CECR2: variants seen among roughly 807,000 people sequenced by gnomAD.
The protein encoded by CECR2 is chromatin remodeling regulator CECR2.
CECR2 carries 30 observed loss-of-function variants against 154.5 expected under a neutral mutation model. The observed-to-expected ratio is 0.19, with a 90% CI of 0.15 to 0.26. The LOEUF (loss-of-function observed/expected upper bound fraction) is 0.26, where lower values mean the gene tolerates loss of function less well. Ranked by LOEUF, CECR2 falls within the 10% of genes least tolerant of loss-of-function variation. The probability of loss-of-function intolerance (pLI) is 1.00; values close to 1 mark genes in which losing one functional copy is unlikely to be tolerated. For missense variants in CECR2, 1,743 were observed against 1,829.3 expected (o/e 0.95, Z 0.86); for synonymous variants, 725 against 683.7 (o/e 1.06, Z -0.94).
Position 17,539,079 on chromosome 22 carries a change from C to T in CECR2, c.1455C>T (p.Thr485=). Residue 485 remains threonine (T), a synonymous_variant, in exon 13 of 19, where the codon ACC becomes ACT. Coordinates refer to ENST00000262608, the MANE Select transcript of CECR2 (RefSeq NM_001290047.2). ...TKEEFVNDMK[T]MFRNCRKYNG... The stretch of plus-strand genomic sequence containing the variant: ...AGGAATTTGTAAATGACATGAAGAC[C>T]ATGTTCAGGAATTGTCGAAAGTATA... The T allele has an allele frequency of 6.2e-7, 1 of 1,613,752 alleles. No homozygotes were observed. The highest frequency in any genetic ancestry group is 8.5e-7 in the Non-Finnish European group (1 of 1,179,826).
At chr22:17,469,735 C>T (rs1168884494) in intron 1 of CECR2, among the ~76,000 whole-genome samples, 4 of 152,088 alleles carry the variant, frequency 2.6e-5, no homozygotes, top group Non-Finnish European at 5.9e-5. Context: ...TTCACACGTT[C>T]ACCTTAGCAT....
intron 1 of CECR2, among the ~76,000 whole-genome samples, chr22:17,450,172 CT>C (rs907258331): frequency 2.8e-4 from 43 of 152,228 alleles, no homozygotes; most frequent in African/African-American, 9.9e-4. Flanking sequence ...TCTGAACAGT[CT>C]TAAGTTTTGA....
chr22:17,535,737 A>G (rs1250876176), intron 9 of CECR2, among the ~76,000 whole-genome samples: 1 of 152,120 alleles, frequency 6.6e-6, no homozygotes, highest in African/African-American at 2.4e-5. Flanking sequence ...GTCGAAAAAA[A>G]AAATAATTTT....
rs114653696 is a variant in CECR2 at position 17,431,815 on chromosome 22, C to G, written c.127-45773C>G. 7.0e-3 allele frequency among the ~76,000 whole-genome samples: 1,065 copies of G among 151,818 alleles called. 14 individuals are homozygous for G. Among genetic ancestry groups the G allele is most frequent in the African/African-American group, 0.024 (986 of 41,374 alleles). Reference sequence around the variant, plus strand: ...GCGGCTTATTGAGATATTCACAAACCGTACAATTAACTCATTTGAAGTATA... The same window carrying G: ...GCGGCTTATTGAGATATTCACAAACGGTACAATTAACTCATTTGAAGTATA... On this transcript the variant is annotated intron_variant, in intron 1 of 18. Transcript: ENST00000262608.
upstream of CECR2, among the ~76,000 whole-genome samples, chr22:17,367,695 C>CAA (rs3078508): frequency 0.04 from 6,123 of 152,258 alleles, 323 homozygotes; most frequent in East Asian, 0.22. Flanking sequence ...CCAACTCACA[C>CAA]AGAGGAAAAA....
In CECR2 at chr22:17,552,091, A is replaced by T. The variant is rs767016698; in HGVS notation, c.4338A>T (p.Thr1446=). ...TCCCAAAGACCCCCACAGCAGCAAC[A>T]TCACAGGAGGAGGTGCCGCCTCATA... ...ASFPKTPTAA[T]SQEEVPPHKP... is the part of the protein sequence containing the mutation. Residue 1446 remains threonine, a synonymous_variant, in exon 18 of 19, where the codon ACA becomes ACT. Coordinates refer to ENST00000262608, the MANE Select transcript of CECR2 (RefSeq NM_001290047.2). 1 of 1,613,892 alleles carries T rather than the reference A, an allele frequency of 6.2e-7. No homozygotes were observed. Among genetic ancestry groups the T allele is most frequent in the Non-Finnish European group, 8.5e-7 (1 of 1,179,904 alleles).
chr22:17,392,402 C>G (rs969746064), intron 1 of CECR2, among the ~76,000 whole-genome samples: 1 of 151,958 alleles, frequency 6.6e-6, no homozygotes, highest in African/African-American at 2.4e-5. Context: ...GCAGGAGAAT[C>G]GCTTGAACCT....
At chr22:17,532,697 A>ATTCTTTTTTT (rs2056375453) in intron 9 of CECR2, among the ~76,000 whole-genome samples, 2 of 29,364 alleles carry the variant, frequency 6.8e-5, no homozygotes, top group Non-Finnish European at 1.4e-4. Flanking sequence ...ATTCATTATT[A>ATTCTTTTTTT]TTCTTTTTTT....
At chr22:17,447,689 G>C (rs965011919) in intron 1 of CECR2, among the ~76,000 whole-genome samples, 1 of 151,338 alleles carries the variant, frequency 6.6e-6, no homozygotes, top group Non-Finnish European at 1.5e-5. Context: ...CGGGGGCGGT[G>C]GGGGGCTTTA....
chr22:17,368,631 GCA>G (rs2063017696), upstream of CECR2, among the ~76,000 whole-genome samples: 7 of 152,122 alleles, frequency 4.6e-5, no homozygotes, highest in South Asian at 1.5e-3. Context: ...TCCCCTCCGA[GCA>G]CAGTCCCCGG....
chr22:17,381,819 GCATCATGCTTCTGGGGGT>G (rs2063194057), intron 1 of CECR2, among the ~76,000 whole-genome samples: 1 of 152,174 alleles, frequency 6.6e-6, no homozygotes, highest in Non-Finnish European at 1.5e-5. Flanking sequence ...CCTGGAGGAA[GCATCATGCTTCTGGGGGT>G]CATGCTGAGT....
At chr22:17,480,459 C>CACACACACACACACACACACAGAG (rs373106595) in intron 2 of CECR2, among the ~76,000 whole-genome samples, 6 of 143,738 alleles carry the variant, frequency 4.2e-5, no homozygotes, top group Non-Finnish European at 7.6e-5. Context: ...CACACACACA[C>CACACACACACACACACACACAGAG]AGAGAAAAGT....
At chr22:17,525,811 ACC>A (rs1281848584) in intron 9 of CECR2, among the ~76,000 whole-genome samples, 1 of 152,112 alleles carries the variant, frequency 6.6e-6, no homozygotes, top group Non-Finnish European at 1.5e-5. Flanking sequence ...TATTGGGTAC[ACC>A]TGTCATTTTA....
chr22:17,485,106 A>G lies in CECR2; in HGVS notation c.221+7424A>G, dbSNP rs73876457. 6.3e-3 allele frequency among the ~76,000 whole-genome samples: 959 copies of G among 152,328 alleles called. 12 individuals are homozygous for G. Among genetic ancestry groups the G allele is most frequent in the African/African-American group, 0.022 (918 of 41,580 alleles). ...GAAATGATACTGGCCAGCATGTCCT[A>G]TGTCCTGGACGCTGCCAACTGCTTC... On this transcript the variant is annotated intron_variant, in intron 2 of 18. Transcript: ENST00000262608.
intron 1 of CECR2, among the ~76,000 whole-genome samples, chr22:17,362,807 C>A (rs1175376422): frequency 5.6e-5 from 8 of 143,894 alleles, no homozygotes; most frequent in Admixed American, 3.0e-4. Flanking sequence ...GAGGCTGAGG[C>A]AGGAAAATTG....
In CECR2 at chr22:17,523,015, A is replaced by AGGGG. The variant is rs2056185705; in HGVS notation, c.955-1103_955-1102insGGGG. Reference sequence around the variant, plus strand: ...GCAAGACTCCATCTCGGGGGGAAAAAAAAAAGCCTGCTATCTAGGCAAGAT... The same window carrying AGGGG: ...GCAAGACTCCATCTCGGGGGGAAAAAGGGGAAAAAGCCTGCTATCTAGGCAAGAT... On this transcript the variant is annotated intron_variant, in intron 8 of 18. Transcript: ENST00000262608. Among the ~76,000 whole-genome samples, 781 of 140,394 alleles carry AGGGG rather than the reference A, an allele frequency of 5.6e-3. 7 individuals are homozygous for AGGGG. The highest frequency in any genetic ancestry group is 6.5e-3 in the Non-Finnish European group (394 of 60,674). The allele number at this position is 140,394 out of a possible 152,430, so 92.1% of individuals were successfully genotyped here. A position where few individuals can be genotyped will look rare whatever the true frequency, so the allele number is the denominator to read the frequency against.
chr22:17,537,138 G>A lies in CECR2; in HGVS notation c.1144G>A (p.Ala382Thr), dbSNP rs759906727. The change falls in exon 10 of 19, where the codon GCA (alanine) becomes ACA (threonine). Residue 382 changes from alanine to threonine, a missense_variant. Ala to Thr is a moderately conservative substitution (Grantham distance 58, BLOSUM62 0). Transcript: ENST00000262608. ...AKRRKLREER[A>T]WLLAQGKELP... ...GAGGAGAAAGCTCAGGGAAGAAAGG[G>A]CATGGCTGCTGGCTCAAGGAAAGGA... 6.2e-7 allele frequency: 1 copy of A among 1,613,930 alleles called. No individual in the cohort carries two copies. Among genetic ancestry groups the A allele is most frequent in the Non-Finnish European group, 8.5e-7 (1 of 1,179,868 alleles).
intron 1 of CECR2, among the ~76,000 whole-genome samples, chr22:17,451,936 G>C (rs2054777758): frequency 6.6e-6 from 1 of 152,198 alleles, no homozygotes; most frequent in African/African-American, 2.4e-5. Flanking sequence ...TGAAGGACTT[G>C]AGGCCTGTTA....
chr22:17,545,373 T>TAAAA (rs2056595685), intron 16 of CECR2, among the ~76,000 whole-genome samples: 5 of 13,924 alleles, frequency 3.6e-4, no homozygotes, highest in East Asian at 3.9e-3. Flanking sequence ...AGACTCCGTC[T>TAAAA]CAAAAAAAAA....
Sources: gnomAD v4.1 joint callset for allele counts (sites outside exome capture counted in the v4.1 genomes callset) on GRCh38, gnomAD v4.1.1 for gene constraint, MANE v1.5 for transcripts, NCBI Gene and HGNC (gene_info 2026-07-23, HGNC 2026-07-21) for gene names.